KIAA1217: variants seen among roughly 807,000 people sequenced by gnomAD.
The protein encoded by KIAA1217 is sickle tail protein homolog.
In KIAA1217, 88 loss-of-function variants were observed where a neutral mutation model predicts 163.9. The ratio of observed to expected loss-of-function variants is 0.54; its 90% confidence interval spans 0.45 to 0.64. The LOEUF (loss-of-function observed/expected upper bound fraction) is 0.64, where lower values mean the gene tolerates loss of function less well. Among genes scored for constraint, KIAA1217 ranks in the 30% least tolerant of loss-of-function variants. KIAA1217 has a pLI of 0.00. For synonymous variants in KIAA1217, 903 were observed against 923.1 expected, an observed-to-expected ratio of 0.98 and a Z score of 0.39; for missense variants, 2,372 against 2,475.0, an observed-to-expected ratio of 0.96 and a Z score of 0.88.
chr10:23,793,566 G>A (rs11592941), intron 1 of KIAA1217, among the ~76,000 whole-genome samples: 5,931 of 144,624 alleles, frequency 0.041, 171 homozygotes, highest in South Asian at 0.081. Context: ...ACAATTAAAC[G>A]TACTTCTACT....
chr10:23,882,227 G>A (rs1006353580), intron 1 of KIAA1217, among the ~76,000 whole-genome samples: 1 of 151,852 alleles, frequency 6.6e-6, no homozygotes, highest in African/African-American at 2.4e-5. Context: ...CACAGATGTG[G>A]GTGGCAATGT....
At chr10:23,895,146 C>G (rs1464289526) in intron 1 of KIAA1217, among the ~76,000 whole-genome samples, 1 of 152,052 alleles carries the variant, frequency 6.6e-6, no homozygotes, top group East Asian at 1.9e-4. Flanking sequence ...CAAATGGGAT[C>G]TCATTAAACT....
chr10:24,374,105 G>C (rs2052104076), intron 2 of KIAA1217, among the ~76,000 whole-genome samples: 1 of 152,156 alleles, frequency 6.6e-6, no homozygotes, highest in South Asian at 2.1e-4. Context: ...TGAAGAAACA[G>C]GATATAAACT....
At chr10:23,733,647 C>G (rs1053609149) in intron 1 of KIAA1217, among the ~76,000 whole-genome samples, 3 of 151,304 alleles carry the variant, frequency 2.0e-5, no homozygotes, top group Non-Finnish European at 4.4e-5. Context: ...TATTTTCTAT[C>G]TGGGGTTGGT....
intron 1 of KIAA1217, among the ~76,000 whole-genome samples, chr10:23,964,716 C>T (rs1337666671): frequency 6.6e-6 from 1 of 151,832 alleles, no homozygotes; most frequent in East Asian, 1.9e-4. Context: ...CCACCACGCC[C>T]AGCTAATTTT....
chr10:24,542,624 T>C (rs1328876066), intron 17 of KIAA1217, 69 bp from the exon 18 acceptor site: 1 of 1,588,212 alleles, frequency 6.3e-7, no homozygotes, highest in South Asian at 1.1e-5. Flanking sequence ...AAGGAACGAT[T>C]TAGTTATAGT....
intron 2 of KIAA1217, among the ~76,000 whole-genome samples, chr10:24,336,027 G>A (rs185905220): frequency 6.6e-6 from 1 of 152,222 alleles, no homozygotes; most frequent in African/African-American, 2.4e-5. Flanking sequence ...AATCACCTGA[G>A]GTCAGGTGTT....
intron 2 of KIAA1217, among the ~76,000 whole-genome samples, chr10:24,264,952 G>T (rs2076094872): frequency 6.6e-6 from 1 of 151,978 alleles, no homozygotes; most frequent in African/African-American, 2.4e-5. Flanking sequence ...CTGGGCTCAG[G>T]TGATCCTCCC....
intron 11 of KIAA1217, among the ~76,000 whole-genome samples, chr10:24,520,649 A>T (rs78133901): frequency 0.04 from 2,642 of 65,528 alleles, 29 homozygotes; most frequent in African/African-American, 0.084. Context: ...AAAAAAAAAA[A>T]AAATATATAT....
intron 2 of KIAA1217, among the ~76,000 whole-genome samples, chr10:24,307,568 G>A (rs1241477128): frequency 6.7e-6 from 1 of 150,368 alleles, no homozygotes; most frequent in East Asian, 2.0e-4. Context: ...TTGAATCCAG[G>A]AGTTTGAGAC....
At chr10:24,408,702 T>C (rs529890972) in intron 3 of KIAA1217, among the ~76,000 whole-genome samples, 1 of 138,882 alleles carries the variant, frequency 7.2e-6, no homozygotes, top group African/African-American at 2.9e-5. Context: ...TTCTCCTAGA[T>C]GTCTGTGGGA....
chr10:24,260,902 G>A (rs865856902), intron 2 of KIAA1217, among the ~76,000 whole-genome samples: 1 of 152,060 alleles, frequency 6.6e-6, no homozygotes, highest in Non-Finnish European at 1.5e-5. Flanking sequence ...GAATAGAGAC[G>A]TTTGTTCTTT....
chr10:24,390,646 A>G (rs932492550), intron 3 of KIAA1217, among the ~76,000 whole-genome samples: 1 of 152,228 alleles, frequency 6.6e-6, no homozygotes, highest in Non-Finnish European at 1.5e-5. Flanking sequence ...TAATTTGCCA[A>G]AACATTCTCT....
intron 2 of KIAA1217, among the ~76,000 whole-genome samples, chr10:24,195,036 C>T (rs187402925): frequency 6.6e-6 from 1 of 152,114 alleles, no homozygotes; most frequent in Non-Finnish European, 1.5e-5. Flanking sequence ...TTCCTCCTCT[C>T]CTGGTCCCCT....
chr10:24,222,873 G>C (rs1006006420), intron 2 of KIAA1217, among the ~76,000 whole-genome samples: 1 of 152,168 alleles, frequency 6.6e-6, no homozygotes, highest in African/African-American at 2.4e-5. Context: ...AGCCCTGAGG[G>C]CTGCTGGTTG....
chr10:24,291,206 G>A (rs1564414859), intron 2 of KIAA1217, among the ~76,000 whole-genome samples: 1 of 152,086 alleles, frequency 6.6e-6, no homozygotes, highest in Non-Finnish European at 1.5e-5. Context: ...AGTCCCCTGT[G>A]GGATATGACC....
intron 14 of KIAA1217, 39 bp downstream of exon 14, chr10:24,528,158 A>G (rs1412179925): frequency 3.1e-6 from 5 of 1,594,660 alleles, no homozygotes; most frequent in South Asian, 1.1e-5. Flanking sequence ...ATGGAGGTAC[A>G]TGGCTTTGGG....
intron 9 of KIAA1217, among the ~76,000 whole-genome samples, chr10:24,503,697 C>T (rs767760963): frequency 6.6e-6 from 1 of 152,172 alleles, no homozygotes; most frequent in African/African-American, 2.4e-5. Context: ...TAATTGAAAA[C>T]TAATTACTGA....
At chr10:23,830,348 A>G (rs1314378648) in intron 1 of KIAA1217, among the ~76,000 whole-genome samples, 2 of 152,218 alleles carry the variant, frequency 1.3e-5, no homozygotes, top group African/African-American at 4.8e-5. Context: ...CATAATAATT[A>G]CATGGCTGCT....
Sources: allele counts gnomAD v4.1 joint callset (sites outside exome capture counted in the v4.1 genomes callset), GRCh38; gene constraint gnomAD v4.1.1; transcripts MANE v1.5; gene names NCBI Gene and HGNC (gene_info 2026-07-23, HGNC 2026-07-21).